Variants in PRKAG2 observed in about 807,000 individuals in gnomAD.
PRKAG2 encodes protein kinase AMP-activated non-catalytic subunit gamma 2, also known as 5'-AMP-activated protein kinase subunit gamma-2.
In PRKAG2, 26 loss-of-function variants were observed where a neutral mutation model predicts 69.6. The ratio of observed to expected loss-of-function variants is 0.37; its 90% CI spans 0.27 to 0.52. PRKAG2 has a LOEUF of 0.52. PRKAG2 is among the 20% of genes least tolerant of loss of function. The pLI is 0.90. For missense variants in PRKAG2, 557 were observed against 740.0 expected (o/e 0.75, Z 2.87); for synonymous variants, 293 against 285.0 (o/e 1.03, Z -0.28).
chr7:151,637,707 GT>G (rs78930256), intron 4 of PRKAG2, among the ~76,000 whole-genome samples: 5,567 of 141,730 alleles, frequency 0.039, 236 homozygotes, highest in East Asian at 0.21. Context: ...AAGTCATGAG[GT>G]TTTTTTTTTT....
intron 5 of PRKAG2, among the ~76,000 whole-genome samples, chr7:151,611,303 C>T (rs539887920): frequency 5.3e-5 from 8 of 152,234 alleles, no homozygotes; most frequent in African/African-American, 1.4e-4. Context: ...ACCCATTATG[C>T]GAAGATTTTG....
At chr7:151,761,713 G>A (rs1430816519) in intron 3 of PRKAG2, among the ~76,000 whole-genome samples, 10 of 152,292 alleles carry the variant, frequency 6.6e-5, no homozygotes, top group South Asian at 2.1e-4. Context: ...CTGTGACGCC[G>A]TGGTCTCAGT....
At chr7:151,596,899 C>T (rs1236981625) in intron 5 of PRKAG2, among the ~76,000 whole-genome samples, 1 of 151,918 alleles carries the variant, frequency 6.6e-6, no homozygotes, top group Non-Finnish European at 1.5e-5. Context: ...TATCAAAATA[C>T]CAATTCTTCG....
intron 4 of PRKAG2, among the ~76,000 whole-genome samples, chr7:151,665,171 G>A (rs1017470812): frequency 6.6e-6 from 1 of 152,126 alleles, no homozygotes; most frequent in African/African-American, 2.4e-5. Context: ...GACTCTCAAA[G>A]AGAGGAATGA....
chr7:151,827,426 A>G (rs1026648153), intron 1 of PRKAG2, among the ~76,000 whole-genome samples: 8 of 152,014 alleles, frequency 5.3e-5, no homozygotes, highest in Admixed American at 5.2e-4. Flanking sequence ...TTTAGTAGAG[A>G]CAGGGTTTCA....
At chr7:151,657,388 G>A (rs565650114) in intron 4 of PRKAG2, among the ~76,000 whole-genome samples, 5 of 152,082 alleles carry the variant, frequency 3.3e-5, no homozygotes, top group African/African-American at 4.8e-5. Flanking sequence ...TCTAAGCCTC[G>A]TGCCAATGTC....
At chr7:151,871,417 C>A (rs2080217506) in intron 1 of PRKAG2, among the ~76,000 whole-genome samples, 1 of 152,242 alleles carries the variant, frequency 6.6e-6, no homozygotes, top group Admixed American at 6.5e-5. Flanking sequence ...TTTGAAAGGC[C>A]AGCATGGCCT....
chr7:151,632,266 G>C lies in PRKAG2; in HGVS notation c.685-128C>G, dbSNP rs1824764796. Reference sequence around the variant, plus strand: ...CGCCGGGAGGAGGGGCCTGGCAGGGGACGCGGGCAGCGGGGGCCGGGGGCG... The same window carrying C: ...CGCCGGGAGGAGGGGCCTGGCAGGGCACGCGGGCAGCGGGGGCCGGGGGCG... On this transcript the variant is annotated intron_variant, in intron 4 of 15. Transcript: ENST00000287878. The surrounding 1 kb of genome is among the most constrained non-coding windows in gnomAD (Gnocchi z 4.2). 17 of 1,031,756 alleles carry C rather than the reference G, an allele frequency of 1.6e-5. No individual in the cohort carries two copies. The South Asian group carries it at 6.3e-4, about 38-fold the overall frequency. 63.9% of individuals were successfully genotyped at this position (1,031,756 alleles called of 1,614,324 possible).
chr7:151,700,500 C>G (rs1837495178), intron 3 of PRKAG2, among the ~76,000 whole-genome samples: 1 of 152,200 alleles, frequency 6.6e-6, no homozygotes, highest in African/African-American at 2.4e-5. Flanking sequence ...AATCAGGACC[C>G]CCTTTTTAAC....
At chr7:151,602,153 G>T (rs962820944) in intron 5 of PRKAG2, among the ~76,000 whole-genome samples, 2 of 152,240 alleles carry the variant, frequency 1.3e-5, no homozygotes. Flanking sequence ...TGCCTACTGA[G>T]TGTGGAATTG....
intron 3 of PRKAG2, chr7:151,736,025 T>A: frequency 6.5e-7 from 1 of 1,535,998 alleles, no homozygotes; most frequent in South Asian, 1.2e-5. Flanking sequence ...TGGCGACAGG[T>A]GAACATATCA....
At chr7:151,838,675 C>G (rs2079203068) in intron 1 of PRKAG2, among the ~76,000 whole-genome samples, 1 of 149,082 alleles carries the variant, frequency 6.7e-6, no homozygotes, top group African/African-American at 2.5e-5. Context: ...CCACTGCACT[C>G]CAGCCAGGGA....
At chr7:151,687,935 G>A (rs901954771) in intron 3 of PRKAG2, among the ~76,000 whole-genome samples, 3 of 151,430 alleles carry the variant, frequency 2.0e-5, no homozygotes, top group African/African-American at 7.3e-5. Flanking sequence ...GGGCTCCCTC[G>A]GCCAGCTGCC....
intron 4 of PRKAG2, among the ~76,000 whole-genome samples, chr7:151,654,709 T>C (rs889254548): frequency 6.6e-6 from 1 of 152,216 alleles, no homozygotes; most frequent in African/African-American, 2.4e-5. Context: ...TTTTTCTTTT[T>C]TGAGACAGAG....
chr7:151,835,865 G>A lies in PRKAG2; in HGVS notation c.114+40642C>T, dbSNP rs1172365219. ...TGCTCACCGTGATGAAAGTGCATCTGTCCCACAAAGGGCAGCCTTTCCGTA... is the reference window on the plus strand; with the variant it reads ...TGCTCACCGTGATGAAAGTGCATCTATCCCACAAAGGGCAGCCTTTCCGTA... On this transcript the variant is annotated intron_variant, in intron 1 of 15. Transcript: ENST00000287878. This position sits in a 1 kb window ranked among gnomAD's most constrained non-coding sequence, Gnocchi z 4.1. 2.0e-5 allele frequency among the ~76,000 whole-genome samples: 3 copies of A among 152,220 alleles called. No individual in the cohort carries two copies. The highest frequency in any genetic ancestry group is 2.9e-5 in the Non-Finnish European group (2 of 68,040).
At chr7:151,842,598 G>T (rs1211691962) in intron 1 of PRKAG2, among the ~76,000 whole-genome samples, 1 of 146,414 alleles carries the variant, frequency 6.8e-6, no homozygotes, top group African/African-American at 2.6e-5. Flanking sequence ...GGTAGGTAGG[G>T]ATGGTAGTGA....
At chr7:151,595,844 G>A (rs921366946) in intron 5 of PRKAG2, among the ~76,000 whole-genome samples, 3 of 152,070 alleles carry the variant, frequency 2.0e-5, no homozygotes, top group African/African-American at 4.8e-5. Flanking sequence ...AAAGCTAATC[G>A]AATGGGGAAA....
chr7:151,652,513 C>CTTTTCCT (rs1199324828), intron 4 of PRKAG2, among the ~76,000 whole-genome samples: 70 of 152,088 alleles, frequency 4.6e-4, no homozygotes, highest in African/African-American at 1.3e-3. Context: ...ATGGTAAATT[C>CTTTTCCT]TTTTTCTTTT....
At chr7:151,857,357 G>C (rs1432873335) in intron 1 of PRKAG2, among the ~76,000 whole-genome samples, 1 of 151,402 alleles carries the variant, frequency 6.6e-6, no homozygotes, top group Admixed American at 6.6e-5. Context: ...GCCTGTGAGA[G>C]GGGGCTGTGC....
Sources: gnomAD v4.1 joint callset for allele counts (sites outside exome capture counted in the v4.1 genomes callset) on GRCh38, gnomAD v4.1.1 for gene constraint, Gnocchi (gnomAD v3.1) non-coding constraint, MANE v1.5 for transcripts, NCBI Gene and HGNC (gene_info 2026-07-23, HGNC 2026-07-21) for gene names.